Variants in SHISA9 observed in about 807,000 individuals in gnomAD.
SHISA9 encodes protein shisa-9.
Under a neutral mutation model 38.0 loss-of-function variants are expected in SHISA9, and 13 were observed. The observed-to-expected ratio is 0.34, with a 90% CI of 0.22 to 0.54. The LOEUF (loss-of-function observed/expected upper bound fraction) is 0.54, where lower values mean the gene tolerates loss of function less well. SHISA9 is among the 20% of genes least tolerant of loss of function. The pLI is 0.91. For missense variants in SHISA9, 538 were observed against 575.8 expected (o/e 0.93, Z 0.67); for synonymous variants, 275 against 242.0 (o/e 1.14, Z -1.27).
chr16:13,553,904 G>A, the SHISA9 span, among the ~76,000 whole-genome samples: 1 of 152,092 alleles, frequency 6.6e-6, no homozygotes, highest in Non-Finnish European at 1.5e-5. Context: ...ACCAGATGAT[G>A]ATCCACATCT....
intron 2 of SHISA9, among the ~76,000 whole-genome samples, chr16:13,094,415 A>G (rs918646751): frequency 7.9e-5 from 12 of 152,202 alleles, no homozygotes; most frequent in African/African-American, 2.2e-4. Context: ...CCGAATTTGC[A>G]TTTAATTATT....
At chr16:13,188,880 A>G (rs2050855795) in intron 2 of SHISA9, among the ~76,000 whole-genome samples, 1 of 145,818 alleles carries the variant, frequency 6.9e-6, no homozygotes, top group African/African-American at 2.6e-5. Context: ...TGCAGATGCA[A>G]TTAGTTGAGA....
Position 13,105,484 on chromosome 16 carries a change from A to T in SHISA9, c.692-97910A>T, listed in dbSNP as rs1307072299. ...GCTTCCTATTTTTGCAATGCTTCTC[A>T]TAGAGAGGCTTAGAAGGAGAGAGGA... On this transcript the variant is annotated intron_variant, in intron 2 of 4. Coordinates refer to ENST00000558583, the MANE Select transcript of SHISA9 (RefSeq NM_001145204.3). Among the ~76,000 whole-genome samples, 4 of 152,122 alleles carry T rather than the reference A, an allele frequency of 2.6e-5. No homozygotes were observed. The South Asian group carries it at 6.2e-4, about 24-fold the overall frequency.
the SHISA9 span, among the ~76,000 whole-genome samples, chr16:13,299,570 C>T: frequency 9.9e-5 from 15 of 152,034 alleles, no homozygotes; most frequent in South Asian, 2.5e-3. Context: ...AAAAATTAGC[C>T]GGGTGTGGTA....
the SHISA9 span, among the ~76,000 whole-genome samples, chr16:13,366,819 C>T: frequency 1.3e-5 from 2 of 152,020 alleles, no homozygotes; most frequent in East Asian, 3.9e-4. Flanking sequence ...CCCATCTCTA[C>T]TAAAAATACA....
chr16:13,193,364 A>AT (rs1395516442), intron 2 of SHISA9, among the ~76,000 whole-genome samples: 3 of 151,782 alleles, frequency 2.0e-5, no homozygotes, highest in African/African-American at 7.3e-5. Context: ...TGGCCTTTTT[A>AT]TTTTTTAGAT....
intron 2 of SHISA9, among the ~76,000 whole-genome samples, chr16:13,005,704 C>G (rs2072589505): frequency 6.6e-6 from 1 of 152,262 alleles, no homozygotes; most frequent in African/African-American, 2.4e-5. Context: ...ATGTGCCAAC[C>G]CTCCAATCCC....
chr16:13,155,474 A>G (rs1013404064), intron 2 of SHISA9, among the ~76,000 whole-genome samples: 1 of 152,186 alleles, frequency 6.6e-6, no homozygotes, highest in African/African-American at 2.4e-5. Context: ...TGAGAAAATG[A>G]TGTTGACTAG....
At chr16:13,517,631 A>G in the SHISA9 span, among the ~76,000 whole-genome samples, 3 of 152,114 alleles carry the variant, frequency 2.0e-5, no homozygotes, top group Admixed American at 1.3e-4. Flanking sequence ...CCTTCTCCTT[A>G]TATGTCCCGT....
chr16:13,160,566 G>C (rs1376577230), intron 2 of SHISA9, among the ~76,000 whole-genome samples: 1 of 152,182 alleles, frequency 6.6e-6, no homozygotes, highest in Non-Finnish European at 1.5e-5. Flanking sequence ...ATGCATCTAA[G>C]TTGGGTCACG....
chr16:13,296,999 A>G, the SHISA9 span, among the ~76,000 whole-genome samples: 4 of 151,936 alleles, frequency 2.6e-5, no homozygotes, highest in East Asian at 5.8e-4. Context: ...ATTTCTTTCC[A>G]TCAGTAATAC....
At chr16:13,335,549 T>C in the SHISA9 span, among the ~76,000 whole-genome samples, 74 of 152,352 alleles carry the variant, frequency 4.9e-4, 1 homozygote, top group East Asian at 0.012. Flanking sequence ...GGGACATTCC[T>C]GCTCCGTACA....
chr16:13,527,294 C>T, the SHISA9 span, among the ~76,000 whole-genome samples: 2 of 152,214 alleles, frequency 1.3e-5, no homozygotes, highest in East Asian at 1.9e-4. Context: ...TTTTGGAGAA[C>T]GCCTCCCTCC....
chr16:13,208,025 T>G (rs2051082596), intron 3 of SHISA9, among the ~76,000 whole-genome samples: 4 of 152,182 alleles, frequency 2.6e-5, no homozygotes, highest in Admixed American at 6.5e-5. Flanking sequence ...TGGGAAGCTT[T>G]AACATCCAGA....
chr16:13,317,764 G>A, the SHISA9 span, among the ~76,000 whole-genome samples: 2 of 152,284 alleles, frequency 1.3e-5, no homozygotes, highest in African/African-American at 4.8e-5. Flanking sequence ...CCCTTCATGT[G>A]TCAAACTTTG....
At chr16:13,087,888 C>T (rs2073731288) in intron 2 of SHISA9, among the ~76,000 whole-genome samples, 3 of 152,174 alleles carry the variant, frequency 2.0e-5, no homozygotes, top group African/African-American at 7.2e-5. Flanking sequence ...AGTTATGAAG[C>T]CCTTGCCCAT....
chr16:13,525,462 C>T, the SHISA9 span, among the ~76,000 whole-genome samples: 1 of 152,160 alleles, frequency 6.6e-6, no homozygotes, highest in Non-Finnish European at 1.5e-5. Context: ...CCTCAATTTC[C>T]TAATCTATGA....
At chr16:13,132,760 G>T (rs572987596) in intron 2 of SHISA9, among the ~76,000 whole-genome samples, 7 of 152,202 alleles carry the variant, frequency 4.6e-5, no homozygotes, top group African/African-American at 1.7e-4. Context: ...TATCTTCTGA[G>T]TGAGACCCTC....
the SHISA9 span, among the ~76,000 whole-genome samples, chr16:13,515,025 A>C: frequency 6.6e-6 from 1 of 152,132 alleles, no homozygotes; most frequent in Non-Finnish European, 1.5e-5. Context: ...GCAAGCAAAA[A>C]GATTAGTGGA....
Sources: gnomAD v4.1 joint callset for allele counts (sites outside exome capture counted in the v4.1 genomes callset) on GRCh38, gnomAD v4.1.1 for gene constraint, MANE v1.5 for transcripts, NCBI Gene and HGNC (gene_info 2026-07-23, HGNC 2026-07-21) for gene names.